FBXL17: variants seen among roughly 807,000 people sequenced by gnomAD.
FBXL17 encodes the protein F-box/LRR-repeat protein 17.
Under a neutral mutation model 66.2 loss-of-function variants are expected in FBXL17, and 22 were observed. That is an observed-to-expected ratio of 0.33 (90% confidence interval 0.24 to 0.47). FBXL17 has a LOEUF of 0.47. FBXL17 is among the 20% of genes least tolerant of loss of function. The pLI, the probability that FBXL17 is intolerant of heterozygous loss-of-function variation, is 1.00. For synonymous variants in FBXL17, 474 were observed against 400.5 expected (o/e 1.18, Z -2.19); for missense variants, 878 against 948.2 (o/e 0.93, Z 0.97).
chr5:108,177,128 T>C (rs1028424902), intron 6 of FBXL17, among the ~76,000 whole-genome samples: 2 of 152,202 alleles, frequency 1.3e-5, no homozygotes, highest in African/African-American at 4.8e-5. Flanking sequence ...TAGTGACACA[T>C]TTGTAAAAAT....
chr5:108,031,962 T>C (rs538476531), intron 6 of FBXL17, among the ~76,000 whole-genome samples: 29 of 152,258 alleles, frequency 1.9e-4, no homozygotes, highest in Non-Finnish European at 3.1e-4. Context: ...TTGTGAAGGT[T>C]ACATTTCATA....
At chr5:107,951,895 C>T (rs567356141) in intron 7 of FBXL17, among the ~76,000 whole-genome samples, 1 of 152,306 alleles carries the variant, frequency 6.6e-6, no homozygotes, top group South Asian at 2.1e-4. Context: ...ACAACCTTTA[C>T]TTGTACAAAA....
intron 6 of FBXL17, among the ~76,000 whole-genome samples, chr5:108,157,182 G>GA (rs35070095): frequency 0.042 from 3,787 of 90,962 alleles, 142 homozygotes; most frequent in African/African-American, 0.12. Flanking sequence ...GAACAAACTG[G>GA]AAAAAAAAAA....
At chr5:108,103,868 A>G (rs1178312317) in intron 6 of FBXL17, among the ~76,000 whole-genome samples, 4 of 152,162 alleles carry the variant, frequency 2.6e-5, no homozygotes. Context: ...CTCAGTCCCC[A>G]ACCAAGTCAC....
chr5:108,320,378 A>G (rs1237279137), intron 4 of FBXL17, among the ~76,000 whole-genome samples: 1 of 151,738 alleles, frequency 6.6e-6, no homozygotes, highest in Non-Finnish European at 1.5e-5. Flanking sequence ...AGCCTGTCCA[A>G]TAAAACTCAG....
intron 7 of FBXL17, among the ~76,000 whole-genome samples, chr5:107,943,553 T>A (rs542957991): frequency 1.3e-5 from 2 of 151,828 alleles, no homozygotes; most frequent in East Asian, 3.9e-4. Context: ...TCATCTTTTT[T>A]TTTTTTTTCA....
At chr5:108,091,366 A>T (rs34416) in intron 6 of FBXL17, among the ~76,000 whole-genome samples, 115,230 of 152,174 alleles carry the variant, frequency 0.76, 43,911 homozygotes, top group East Asian at 0.92. Context: ...AAATGTTATA[A>T]ACATTTGAAC....
At chr5:108,269,985 TC>T (rs1757201300) in intron 4 of FBXL17, among the ~76,000 whole-genome samples, 1 of 151,482 alleles carries the variant, frequency 6.6e-6, no homozygotes, top group African/African-American at 2.4e-5. Context: ...ATTAGGTAGG[TC>T]CCAGCAGAAC....
chr5:107,993,908 G>T (rs1408225188), intron 7 of FBXL17, among the ~76,000 whole-genome samples: 2 of 152,138 alleles, frequency 1.3e-5, no homozygotes, highest in East Asian at 1.9e-4. Flanking sequence ...GCTCATTTCA[G>T]ACTAATATCC....
chr5:108,240,729 A>T (rs1024655152), intron 4 of FBXL17, among the ~76,000 whole-genome samples: 10 of 152,180 alleles, frequency 6.6e-5, no homozygotes, highest in African/African-American at 2.4e-4. Flanking sequence ...GTAGCCAGAC[A>T]GTGATTATAC....
chr5:108,310,496 T>C (rs1759064716), intron 4 of FBXL17, among the ~76,000 whole-genome samples: 2 of 152,184 alleles, frequency 1.3e-5, no homozygotes, highest in African/African-American at 4.8e-5. Flanking sequence ...TTTGATTATA[T>C]CAGAAACTGC....
rs149537405 is a variant in FBXL17 at position 108,085,133 on chromosome 5, C to T, written c.1746-64132G>A. 5.5e-4 allele frequency among the ~76,000 whole-genome samples: 84 copies of T among 152,330 alleles called. 2 individuals carry two copies. The highest frequency in any genetic ancestry group is 9.8e-4 in the Non-Finnish European group (67 of 68,034). ...CAATTTCAAATTTTGATTACATAGT[C>T]TTGCATAGTTCCTCCTTCCTTTCAC... On this transcript the variant is annotated intron_variant, in intron 6 of 8. Coordinates refer to ENST00000542267, the MANE Select transcript of FBXL17 (RefSeq NM_001163315.3).
At chr5:108,361,756 G>A (rs1045711338) in intron 3 of FBXL17, among the ~76,000 whole-genome samples, 1 of 152,014 alleles carries the variant, frequency 6.6e-6, no homozygotes, top group Non-Finnish European at 1.5e-5. Flanking sequence ...CCCTGACTGG[G>A]TTCTAAATTA....
intron 6 of FBXL17, among the ~76,000 whole-genome samples, chr5:108,110,736 A>AT (rs1580455123): frequency 1.3e-5 from 2 of 151,916 alleles, no homozygotes; most frequent in South Asian, 2.1e-4. Flanking sequence ...CTTTTTCAGT[A>AT]TATTAGCATG....
chr5:108,079,836 A>G (rs556986577), intron 6 of FBXL17, among the ~76,000 whole-genome samples: 10 of 152,322 alleles, frequency 6.6e-5, no homozygotes, highest in African/African-American at 2.4e-4. Flanking sequence ...AATGGGCCTA[A>G]TTTACACAAT....
At chr5:108,261,579 A>T (rs1460791922) in intron 4 of FBXL17, among the ~76,000 whole-genome samples, 1 of 152,186 alleles carries the variant, frequency 6.6e-6, no homozygotes, top group Non-Finnish European at 1.5e-5. Flanking sequence ...CACAATAGAA[A>T]TGCTTTAGGC....
At chr5:107,966,869 T>C (rs1752162942) in intron 7 of FBXL17, among the ~76,000 whole-genome samples, 2 of 152,164 alleles carry the variant, frequency 1.3e-5, no homozygotes, top group Admixed American at 1.3e-4. Context: ...TACGGTGATC[T>C]ACTTTAATAA....
At position 107,934,196 on chromosome 5, in the gene FBXL17, C is replaced by T. The variant is rs1042676259; in HGVS notation, c.1823-53017G>A. Among the ~76,000 whole-genome samples, 5 of 152,050 alleles carry T rather than the reference C, an allele frequency of 3.3e-5. No homozygotes were observed. The South Asian group carries it at 1.0e-3, about 32-fold the overall frequency. ...TGGGAAAGAAATTATTTTCATTGTGCATAATAATAATCTAAAAGTAAAGTT... is the reference window on the plus strand; with the variant it reads ...TGGGAAAGAAATTATTTTCATTGTGTATAATAATAATCTAAAAGTAAAGTT... On this transcript the variant is annotated intron_variant, in intron 7 of 8. Coordinates refer to ENST00000542267, the MANE Select transcript of FBXL17 (RefSeq NM_001163315.3).
intron 7 of FBXL17, among the ~76,000 whole-genome samples, chr5:108,006,775 A>G (rs1753942168): frequency 6.6e-6 from 1 of 152,218 alleles, no homozygotes; most frequent in Non-Finnish European, 1.5e-5. Context: ...AAACAACCCC[A>G]AAGTTCAACT....
Sources: allele counts gnomAD v4.1 joint callset (sites outside exome capture counted in the v4.1 genomes callset), GRCh38; gene constraint gnomAD v4.1.1; transcripts MANE v1.5; gene names NCBI Gene and HGNC (gene_info 2026-07-23, HGNC 2026-07-21).